The following ATRNL1 variants were observed in gnomAD, a reference collection of about 807,000 sequenced individuals.
The protein encoded by ATRNL1 is attractin like 1.
ATRNL1 carries 95 observed loss-of-function variants against 182.7 expected under a neutral mutation model. The observed-to-expected ratio is 0.52, with a 90% CI of 0.44 to 0.62. The LOEUF (loss-of-function observed/expected upper bound fraction) is 0.62, where lower values mean the gene tolerates loss of function less well. Ranked by LOEUF, ATRNL1 falls within the 20% of genes least tolerant of loss-of-function variation. The probability of loss-of-function intolerance (pLI) is 0.00; values close to 1 mark genes in which losing one functional copy is unlikely to be tolerated. For missense variants in ATRNL1, 1,471 were observed against 1,679.5 expected, an observed-to-expected ratio of 0.88 and a Z score of 2.17; for synonymous variants, 576 against 568.3, an observed-to-expected ratio of 1.01 and a Z score of -0.19.
chr10:115,707,405 T>C (rs1331508090), intron 26 of ATRNL1, among the ~76,000 whole-genome samples: 3 of 151,810 alleles, frequency 2.0e-5, no homozygotes, highest in African/African-American at 7.2e-5. Flanking sequence ...TGGATATCAA[T>C]GATATGGAAA....
intron 9 of ATRNL1, among the ~76,000 whole-genome samples, chr10:115,229,006 A>G (rs937436792): frequency 6.6e-6 from 1 of 151,894 alleles, no homozygotes; most frequent in Non-Finnish European, 1.5e-5. Context: ...GCCTCAAGTG[A>G]TCCACCCACC....
intron 8 of ATRNL1, among the ~76,000 whole-genome samples, chr10:115,208,293 C>A (rs1023351654): frequency 3.3e-5 from 5 of 151,904 alleles, no homozygotes; most frequent in African/African-American, 1.2e-4. Flanking sequence ...CCACTTCTAT[C>A]TTTTGTTTTA....
intron 26 of ATRNL1, among the ~76,000 whole-genome samples, chr10:115,687,798 T>C (rs1593067798): frequency 1.3e-5 from 2 of 152,118 alleles, no homozygotes; most frequent in South Asian, 4.1e-4. Flanking sequence ...GTTTATCATT[T>C]TTAGTGTATT....
At chr10:115,134,016 A>G (rs1554875918) in intron 5 of ATRNL1, among the ~76,000 whole-genome samples, 2 of 152,096 alleles carry the variant, frequency 1.3e-5, no homozygotes, top group South Asian at 2.1e-4. Flanking sequence ...AAGACACACA[A>G]TCTCTGGGAC....
chr10:115,621,724 A>G (rs907029216), intron 26 of ATRNL1, among the ~76,000 whole-genome samples: 4 of 152,204 alleles, frequency 2.6e-5, no homozygotes, highest in African/African-American at 9.6e-5. Flanking sequence ...TAGAACTTGA[A>G]GATCCCATTC....
At chr10:115,545,686 G>T (rs1554993484) in intron 25 of ATRNL1, among the ~76,000 whole-genome samples, 1 of 152,178 alleles carries the variant, frequency 6.6e-6, no homozygotes, top group African/African-American at 2.4e-5. Flanking sequence ...GAAGAGGAAT[G>T]TTGTGAATTA....
At chr10:115,152,054 C>T (rs748790389) in intron 5 of ATRNL1, among the ~76,000 whole-genome samples, 4 of 152,034 alleles carry the variant, frequency 2.6e-5, no homozygotes, top group Non-Finnish European at 5.9e-5. Flanking sequence ...GAGGGCTCTG[C>T]TCTGTTCCAT....
At chr10:115,714,982 G>A (rs1947203801) in intron 26 of ATRNL1, among the ~76,000 whole-genome samples, 1 of 152,106 alleles carries the variant, frequency 6.6e-6, no homozygotes, top group South Asian at 2.1e-4. Flanking sequence ...TTACCAGTTG[G>A]TTGGTGAAGC....
chr10:115,223,249 C>G (rs1849540620), intron 9 of ATRNL1, among the ~76,000 whole-genome samples: 1 of 152,156 alleles, frequency 6.6e-6, no homozygotes, highest in Non-Finnish European at 1.5e-5. Context: ...TCGCTGGACT[C>G]CAGCCTGGAC....
chr10:115,637,310 A>G (rs1473713578), intron 26 of ATRNL1, among the ~76,000 whole-genome samples: 1 of 152,150 alleles, frequency 6.6e-6, no homozygotes, highest in African/African-American at 2.4e-5. Context: ...GCTCCTGAAG[A>G]CATTCCGGTG....
Position 115,530,735 on chromosome 10 carries a change from G to A in ATRNL1, c.3716+11411G>A, listed in dbSNP as rs895558327. ...GCTGGTGTGCTGCACCCATTAACTC[G>A]TCATTTAGCATTAGGTATATCTCCT... On this transcript the variant is annotated intron_variant, in intron 25 of 28. Transcript: ENST00000355044. Among the ~76,000 whole-genome samples, 8 of 150,136 alleles carry A rather than the reference G, an allele frequency of 5.3e-5. No individual in the cohort carries two copies. The South Asian group carries it at 1.3e-3, about 24-fold the overall frequency.
chr10:115,892,050 A>G (rs1952092123), intron 28 of ATRNL1, among the ~76,000 whole-genome samples: 1 of 152,188 alleles, frequency 6.6e-6, no homozygotes, highest in Admixed American at 6.5e-5. Context: ...TACGGACAAG[A>G]TTCTACTGAG....
chr10:115,631,998 C>T (rs1459634229), intron 26 of ATRNL1, among the ~76,000 whole-genome samples: 6 of 152,120 alleles, frequency 3.9e-5, no homozygotes, highest in African/African-American at 9.7e-5. Flanking sequence ...TGTGTTCATA[C>T]TCTGCTGACC....
In ATRNL1 at chr10:115,947,097, T is replaced by G. The variant is rs1051690847; in HGVS notation, c.*2318T>G. On this transcript the variant is annotated 3_prime_UTR_variant, in exon 29 of 29. Coordinates refer to ENST00000355044, the MANE Select transcript of ATRNL1 (RefSeq NM_207303.4). Reference sequence around the variant, plus strand: ...CACATATTGCTAACTCTGTGGCTAATTATGCAATTAATTCTCAACGTATCA... The same window carrying G: ...CACATATTGCTAACTCTGTGGCTAAGTATGCAATTAATTCTCAACGTATCA... 6.6e-6 allele frequency: 1 copy of G among 152,658 alleles called. No homozygotes were observed. The highest frequency in any genetic ancestry group is 1.5e-5 in the Non-Finnish European group (1 of 68,028). The allele number at this position is 152,658 out of a possible 1,614,324, so 9.5% of individuals were successfully genotyped here.
chr10:115,926,834 A>G (rs1189192363), intron 28 of ATRNL1, among the ~76,000 whole-genome samples: 9 of 152,160 alleles, frequency 5.9e-5, no homozygotes, highest in Admixed American at 5.9e-4. Context: ...CCAGAGGTAC[A>G]AAGAGGGTTT....
At chr10:115,132,167 G>A (rs1392149545) in intron 5 of ATRNL1, among the ~76,000 whole-genome samples, 4 of 148,102 alleles carry the variant, frequency 2.7e-5, no homozygotes, top group African/African-American at 1.0e-4. Flanking sequence ...ACCTATAAGT[G>A]AGAACACGCG....
At chr10:115,287,447 A>G (rs1445543489) in intron 15 of ATRNL1, among the ~76,000 whole-genome samples, 1 of 152,038 alleles carries the variant, frequency 6.6e-6, no homozygotes, top group African/African-American at 2.4e-5. Context: ...TATTTAGACA[A>G]TGAATTTTTA....
chr10:115,625,645 G>A (rs1858047921), intron 26 of ATRNL1, among the ~76,000 whole-genome samples: 1 of 152,120 alleles, frequency 6.6e-6, no homozygotes, highest in South Asian at 2.1e-4. Context: ...ACAGAAAAAT[G>A]AGGGTTCAAA....
At chr10:115,303,310 C>T (rs1431400274) in intron 17 of ATRNL1, among the ~76,000 whole-genome samples, 1 of 150,820 alleles carries the variant, frequency 6.6e-6, no homozygotes, top group East Asian at 2.0e-4. Flanking sequence ...CTGCAACCTC[C>T]ACCTCCCTGG....
Sources: allele counts gnomAD v4.1 joint callset (sites outside exome capture counted in the v4.1 genomes callset), GRCh38; gene constraint gnomAD v4.1.1; transcripts MANE v1.5; gene names NCBI Gene and HGNC (gene_info 2026-07-23, HGNC 2026-07-21).